The following LIPE variants were observed in gnomAD, a reference collection of about 807,000 sequenced individuals.
LIPE encodes hormone-sensitive lipase.
A neutral mutation model predicts 88.5 loss-of-function variants in LIPE; 66 were observed. That is an observed-to-expected ratio of 0.75 (90% CI 0.61 to 0.91). The LOEUF (loss-of-function observed/expected upper bound fraction) is 0.91. Ranked by LOEUF, LIPE falls within the 40% of genes least tolerant of loss-of-function variation. LIPE has a pLI of 0.00. For missense variants in LIPE, 1,346 were observed against 1,434.7 expected, an observed-to-expected ratio of 0.94 and a Z score of 1.00; for synonymous variants, 570 against 617.5, an observed-to-expected ratio of 0.92 and a Z score of 1.14.
intron 9 of LIPE, among the ~76,000 whole-genome samples, chr19:42,402,304 TCCAGCCTCTCC>T (rs1330627159): frequency 6.6e-6 from 1 of 151,942 alleles, no homozygotes; most frequent in African/African-American, 2.4e-5. Context: ...CCGGCCTCTC[TCCAGCCTCTCC>T]CTCCCCACCC....
At chr19:42,423,904 A>T (rs1413534100) in intron 1 of LIPE, 1 of 1,149,246 alleles carries the variant, frequency 8.7e-7, no homozygotes, top group Non-Finnish European at 1.1e-6. Flanking sequence ...GTGCTGGCTC[A>T]GTCTCGCCAT....
Position 42,407,906 on chromosome 19 carries a change from C to T in LIPE, c.1656+70G>A. 6.3e-7 allele frequency: 1 copy of T among 1,578,108 alleles called. No homozygotes were observed. The highest frequency in any genetic ancestry group is 8.6e-7 in the Non-Finnish European group (1 of 1,163,094). On this transcript the variant is annotated intron_variant, in intron 4 of 9. Transcript: ENST00000244289. This position sits in a 1 kb window ranked among gnomAD's most constrained non-coding sequence, Gnocchi z 5.8. ...GTGTGCCATCCCTGGGCCTGGAGCC[C>T]CACAGAGACCTACTGTGGCCTCAGA... is the stretch of plus-strand genomic sequence containing the variant.
Position 42,407,603 on chromosome 19 carries a change from T to G in LIPE, c.1842+3A>C. The G allele has an allele frequency of 6.2e-7, 1 of 1,604,546 alleles. No individual in the cohort carries two copies. The highest frequency in any genetic ancestry group is 8.5e-7 in the Non-Finnish European group (1 of 1,174,618). On this transcript the variant is annotated splice_donor_region_variant and intron_variant, in intron 5 of 9. Coordinates refer to ENST00000244289, the MANE Select transcript of LIPE (RefSeq NM_005357.4). This position sits in a 1 kb window ranked among gnomAD's most constrained non-coding sequence, Gnocchi z 5.8. ...CTGTCCCTGGCTGAGGCTGGAACCCTACCTGTCCTTCACGCAGGTCATAGG... is the reference window on the plus strand; with the variant it reads ...CTGTCCCTGGCTGAGGCTGGAACCCGACCTGTCCTTCACGCAGGTCATAGG...
intron 1 of LIPE, among the ~76,000 whole-genome samples, chr19:42,420,366 G>A (rs1361414316): frequency 2.0e-5 from 3 of 152,150 alleles, no homozygotes; most frequent in Non-Finnish European, 4.4e-5. Context: ...GCCTGTGTCC[G>A]TCGGCACTGG....
In LIPE at chr19:42,406,903, C is replaced by A. The variant is rs2147598418; in HGVS notation, c.2137+271G>T. Among the ~76,000 whole-genome samples the A allele has an allele frequency of 6.6e-6, 1 of 152,028 alleles. No individual in the cohort carries two copies. The highest frequency in any genetic ancestry group is 2.4e-5 in the African/African-American group (1 of 41,470). On this transcript the variant is annotated intron_variant, in intron 6 of 9. Coordinates refer to ENST00000244289, the MANE Select transcript of LIPE (RefSeq NM_005357.4). This position sits in a 1 kb window ranked among gnomAD's most constrained non-coding sequence, Gnocchi z 5.7. ...GGCTGGTAGGACAGGAGAGCAGGGC[C>A]TGGAGCTATCAGAGGGGGACGACAG...
In LIPE at chr19:42,410,727, C is replaced by A; in HGVS notation, c.999G>T (p.Arg333=). ...GTACACCGGCAAAAACGCCTGACAGCCGCTGGGCCGTTTCCCCAGGACCCT... is the reference window on the plus strand; with the variant it reads ...GTACACCGGCAAAAACGCCTGACAGACGCTGGGCCGTTTCCCCAGGACCCT... The part of the protein sequence containing the change: ...SSQGPGETAQ[R]LSGVFAGVRE... The change falls in exon 2 of 10, where the codon CGG becomes CGT. Residue 333 remains arginine (R), a synonymous_variant. Coordinates refer to ENST00000244289, the MANE Select transcript of LIPE (RefSeq NM_005357.4). This position sits in a 1 kb window ranked among gnomAD's most constrained non-coding sequence, Gnocchi z 6.1. The A allele has an allele frequency of 6.2e-7, 1 of 1,613,870 alleles. No individual in the cohort carries two copies.
rs371964422 is a variant in LIPE, at chr19:42,402,817, C to T, written c.2757G>A (p.Gly919=). The change falls in exon 9 of 10, where the codon GGG becomes GGA. Residue 919 remains glycine, a synonymous_variant. Transcript: ENST00000244289. ...GCTCATTTTTGGCCTCAGCCTCTTC[C>T]CCTGCATCCTCAGGTGGTAATAAGA... The part of the protein sequence containing the change: ...VNFLLPPEDA[G]EEAEAKNELS... 34 of 1,613,340 alleles carry T rather than the reference C, an allele frequency of 2.1e-5. No individual in the cohort carries two copies. Among genetic ancestry groups the T allele is most frequent in the Non-Finnish European group, 2.8e-5 (33 of 1,179,482 alleles).
chr19:42,406,679 G>A lies in LIPE; in HGVS notation c.2138-291C>T, dbSNP rs1182134951. On this transcript the variant is annotated intron_variant, in intron 6 of 9. Transcript: ENST00000244289. The surrounding 1 kb of genome is among the most constrained non-coding windows in gnomAD (Gnocchi z 5.7). ...AGGGAGGGCAGGTGGTGGGAAAGGGGAGCTGAGCTCAGGCCTGTTGCAGGA... is the reference window on the plus strand; with the variant it reads ...AGGGAGGGCAGGTGGTGGGAAAGGGAAGCTGAGCTCAGGCCTGTTGCAGGA... 1.3e-5 allele frequency among the ~76,000 whole-genome samples: 2 copies of A among 152,122 alleles called. No individual in the cohort carries two copies. Among genetic ancestry groups the A allele is most frequent in the Admixed American group, 6.5e-5 (1 of 15,276 alleles).
At position 42,410,849 on chromosome 19, in the gene LIPE, G is replaced by C; in HGVS notation, c.884-7C>G. 1 of 1,539,876 alleles carries C rather than the reference G, an allele frequency of 6.5e-7. No homozygotes were observed. Among genetic ancestry groups the C allele is most frequent in the Non-Finnish European group, 8.8e-7 (1 of 1,142,676 alleles). ...TTGTGGATGAGCCTTGAGGCTGTGGGCAGGTGGGGAGGCCTGTTAGGTGGG... is the reference window on the plus strand; with the variant it reads ...TTGTGGATGAGCCTTGAGGCTGTGGCCAGGTGGGGAGGCCTGTTAGGTGGG... On this transcript the variant is annotated splice_polypyrimidine_tract_variant and splice_region_variant and intron_variant, in intron 1 of 9. Coordinates refer to ENST00000244289, the MANE Select transcript of LIPE (RefSeq NM_005357.4). This position sits in a 1 kb window ranked among gnomAD's most constrained non-coding sequence, Gnocchi z 6.1.
chr19:42,417,590 G>T (rs1325202663), intron 1 of LIPE, among the ~76,000 whole-genome samples: 2 of 152,088 alleles, frequency 1.3e-5, no homozygotes, highest in Non-Finnish European at 1.5e-5. Flanking sequence ...GGGCTGTGTT[G>T]CCTAGCCTGG....
intron 1 of LIPE, chr19:42,411,459 A>C (rs2040373194): frequency 1.2e-5 from 4 of 322,966 alleles, no homozygotes; most frequent in Admixed American, 6.5e-5. Flanking sequence ...TTTCCTTCTT[A>C]GGCCCCAAGT....
rs1431890617 is a variant in LIPE, at chr19:42,408,802, C to T, written c.1420-480G>A. On this transcript the variant is annotated intron_variant, in intron 2 of 9. Coordinates refer to ENST00000244289, the MANE Select transcript of LIPE (RefSeq NM_005357.4). The surrounding 1 kb of genome is among the most constrained non-coding windows in gnomAD (Gnocchi z 4.3). Reference sequence around the variant, plus strand: ...TCACACCACTGCACTCCAGCCTGGGCGACAGAGCGAGACTCTGTCTCTAAA... The same window carrying T: ...TCACACCACTGCACTCCAGCCTGGGTGACAGAGCGAGACTCTGTCTCTAAA... Among the ~76,000 whole-genome samples the T allele has an allele frequency of 4.0e-5, 6 of 148,210 alleles. No homozygotes were observed. The highest frequency in any genetic ancestry group is 2.1e-4 in the South Asian group (1 of 4,686).
chr19:42,426,194 A>C, intron 1 of LIPE, 73 bp downstream of exon 1: 1 of 1,468,172 alleles, frequency 6.8e-7, no homozygotes, highest in African/African-American at 1.4e-5. Flanking sequence ...GATACACCGT[A>C]AGTTTTTAGT....
intron 2 of LIPE, among the ~76,000 whole-genome samples, chr19:42,409,478 T>C (rs902293012): frequency 2.6e-5 from 4 of 151,226 alleles, no homozygotes; most frequent in East Asian, 1.9e-4. Flanking sequence ...AGGCAAGGGA[T>C]TGGCGGGTTC....
chr19:42,416,942 A>T (rs892710224), intron 1 of LIPE, among the ~76,000 whole-genome samples: 6 of 152,174 alleles, frequency 3.9e-5, no homozygotes, highest in Non-Finnish European at 8.8e-5. Context: ...TTTTTTTGAG[A>T]CGGAGTCTCG....
Position 42,408,148 on chromosome 19 carries a change from G to A in LIPE, c.1511-27C>T, listed in dbSNP as rs1041125236. 20 of 1,613,978 alleles carry A rather than the reference G, an allele frequency of 1.2e-5. No individual in the cohort carries two copies. The highest frequency in any genetic ancestry group is 1.7e-5 in the Non-Finnish European group (20 of 1,179,944). On this transcript the variant is annotated intron_variant, in intron 3 of 9. Coordinates refer to ENST00000244289, the MANE Select transcript of LIPE (RefSeq NM_005357.4). This position sits in a 1 kb window ranked among gnomAD's most constrained non-coding sequence, Gnocchi z 4.3. ...TAGGGGTCAGAAGGGGTGTCAGGGA[G>A]CCCCAGTGGGTCAGGCTGCTTGGGC...
rs1165648777 is a variant in LIPE, at chr19:42,426,552, A to G, written c.598T>C (p.Ser200Pro). Residue 200 changes from serine (S) to proline (P), a missense_variant, in exon 1 of 10, where the codon TCT becomes CCT. Ser to Pro is a moderately conservative substitution (Grantham distance 74). Transcript: ENST00000244289. ...GTTAGAAATCCCAGCTCTGTCAAAG[A>G]TCCCTGCTTGGATTTGGCTCCCTGG... ...PVQGAKSKQG[S>P]LTELGFLTKL... is the part of the protein sequence containing the mutation. 1 of 1,614,158 alleles carries G rather than the reference A, an allele frequency of 6.2e-7. No homozygotes were observed. Among genetic ancestry groups the G allele is most frequent in the Non-Finnish European group, 8.5e-7 (1 of 1,180,028 alleles).
At chr19:42,409,144 G>A (rs2040289745) in intron 2 of LIPE, among the ~76,000 whole-genome samples, 1 of 152,036 alleles carries the variant, frequency 6.6e-6, no homozygotes, top group Admixed American at 6.6e-5. Context: ...CAGGCACAGG[G>A]ACCTGAGGCA....
Position 42,401,635 on chromosome 19 carries a change from G to T in LIPE, c.*177C>A. 1 of 568,398 alleles carries T rather than the reference G, an allele frequency of 1.8e-6. No individual in the cohort carries two copies. Among genetic ancestry groups the T allele is most frequent in the Non-Finnish European group, 3.0e-6 (1 of 336,966 alleles). The allele number at this position is 568,398 out of a possible 1,614,324, so 35.2% of individuals were successfully genotyped here. On this transcript the variant is annotated 3_prime_UTR_variant, in exon 10 of 10. Transcript: ENST00000244289. ...GCAGCGGTGGCGTGCAGGTCCAGCC[G>T]TCTCGGTGACCGGTGTGTGTGCGCG...
Sources: gnomAD v4.1 joint callset for allele counts (sites outside exome capture counted in the v4.1 genomes callset) on GRCh38, gnomAD v4.1.1 for gene constraint, Gnocchi (gnomAD v3.1) non-coding constraint, MANE v1.5 for transcripts, NCBI Gene and HGNC (gene_info 2026-07-23, HGNC 2026-07-21) for gene names.